The following NCKAP5 variants were observed in gnomAD, a reference collection of about 807,000 sequenced individuals.
The protein encoded by NCKAP5 is NCK associated protein 5.
NCKAP5 carries 92 observed loss-of-function variants against 167.0 expected under a neutral mutation model. That is an observed-to-expected ratio of 0.55 (90% confidence interval 0.47 to 0.66). The LOEUF is 0.66. Ranked by LOEUF, NCKAP5 falls within the 30% of genes least tolerant of loss-of-function variation. NCKAP5 has a pLI of 0.00. For synonymous variants in NCKAP5, 891 were observed against 877.4 expected, an observed-to-expected ratio of 1.02 and a Z score of -0.27; for missense variants, 2,378 against 2,315.0, an observed-to-expected ratio of 1.03 and a Z score of -0.56.
At chr2:133,522,311 A>C (rs1684543408) in intron 2 of NCKAP5, among the ~76,000 whole-genome samples, 1 of 152,106 alleles carries the variant, frequency 6.6e-6, no homozygotes, top group African/African-American at 2.4e-5. Flanking sequence ...TTTCAACACC[A>C]TCATAAAAAT....
intron 4 of NCKAP5, among the ~76,000 whole-genome samples, chr2:133,260,272 T>G (rs1249608724): frequency 6.6e-6 from 1 of 152,176 alleles, no homozygotes; most frequent in East Asian, 1.9e-4. Context: ...AATAACCATC[T>G]GTTGAGTAAA....
chr2:133,545,731 G>A (rs552027291), intron 2 of NCKAP5, among the ~76,000 whole-genome samples: 3 of 152,114 alleles, frequency 2.0e-5, no homozygotes, highest in Admixed American at 2.0e-4. Context: ...TGAGAATTTC[G>A]TACCTTACAA....
intron 6 of NCKAP5, among the ~76,000 whole-genome samples, chr2:133,051,680 T>C (rs550072284): frequency 1.3e-5 from 2 of 152,216 alleles, no homozygotes; most frequent in South Asian, 4.1e-4. Context: ...TATTTTCCAA[T>C]GCACTGTGAA....
In NCKAP5 at chr2:132,858,883, A is replaced by C. The variant is rs192029606; in HGVS notation, c.807+1609T>G. On this transcript the variant is annotated intron_variant, in intron 11 of 19. Coordinates refer to ENST00000409261, the MANE Select transcript of NCKAP5 (RefSeq NM_207363.3). ...GTTTACCATGCAAATAAATGATCAC[A>C]ATTCATAAACAGGGACTGTAGAGTC... 3.0e-3 allele frequency among the ~76,000 whole-genome samples: 462 copies of C among 152,334 alleles called. 3 individuals are homozygous for C. Among genetic ancestry groups the C allele is most frequent in the Middle Eastern group, 0.01 (3 of 294 alleles).
At chr2:132,884,332 G>A (rs1692041482) in intron 8 of NCKAP5, among the ~76,000 whole-genome samples, 1 of 152,130 alleles carries the variant, frequency 6.6e-6, no homozygotes, top group Non-Finnish European at 1.5e-5. Context: ...AACTGACTTT[G>A]CTGTTCCCTT....
At chr2:133,204,923 CTT>C (rs2085876820) in intron 5 of NCKAP5, among the ~76,000 whole-genome samples, 1 of 152,222 alleles carries the variant, frequency 6.6e-6, no homozygotes, top group East Asian at 1.9e-4. Context: ...TTTTACAAGT[CTT>C]TTATTTATCC....
chr2:133,545,502 C>A (rs1686581172), intron 2 of NCKAP5, among the ~76,000 whole-genome samples: 1 of 152,078 alleles, frequency 6.6e-6, no homozygotes, highest in Non-Finnish European at 1.5e-5. Context: ...TTCCATTGAT[C>A]AGCATCATGA....
intron 6 of NCKAP5, among the ~76,000 whole-genome samples, chr2:133,003,560 A>C (rs564741210): frequency 1.3e-5 from 2 of 152,322 alleles, no homozygotes; most frequent in South Asian, 4.1e-4. Flanking sequence ...CTCTTAACCC[A>C]ATCTCTGCTT....
intron 10 of NCKAP5, among the ~76,000 whole-genome samples, chr2:132,866,180 A>T (rs191047337): frequency 6.6e-6 from 1 of 152,350 alleles, no homozygotes; most frequent in East Asian, 1.9e-4. Flanking sequence ...CATATGAACG[A>T]AAATAACTGC....
At chr2:133,123,599 G>A in intron 6 of NCKAP5, 1 of 286,082 alleles carries the variant, frequency 3.5e-6, no homozygotes, top group Non-Finnish European at 7.3e-6. Flanking sequence ...TGTGGAAATA[G>A]CAATTCCAAA....
chr2:133,323,454 A>C (rs924402492), intron 3 of NCKAP5, among the ~76,000 whole-genome samples: 1 of 152,200 alleles, frequency 6.6e-6, no homozygotes, highest in African/African-American at 2.4e-5. Context: ...GAAGCTGATG[A>C]AGTTAGCAAG....
At chr2:132,795,622 C>G (rs1684515953) in intron 12 of NCKAP5, among the ~76,000 whole-genome samples, 1 of 151,910 alleles carries the variant, frequency 6.6e-6, no homozygotes, top group Non-Finnish European at 1.5e-5. Context: ...AGTTCGAGAC[C>G]AGCCTGACTA....
intron 11 of NCKAP5, among the ~76,000 whole-genome samples, chr2:132,801,691 C>T (rs910073189): frequency 3.9e-5 from 6 of 152,202 alleles, no homozygotes; most frequent in African/African-American, 1.4e-4. Flanking sequence ...TAGTCAGTGC[C>T]TGGACTATAC....
chr2:132,936,809 A>G (rs368944292), intron 8 of NCKAP5, among the ~76,000 whole-genome samples: 3 of 152,154 alleles, frequency 2.0e-5, no homozygotes, highest in African/African-American at 4.8e-5. Context: ...TCTAAAATGC[A>G]TATGTATCAA....
At chr2:133,346,260 T>C (rs952842940) in intron 3 of NCKAP5, among the ~76,000 whole-genome samples, 1 of 152,110 alleles carries the variant, frequency 6.6e-6, no homozygotes, top group African/African-American at 2.4e-5. Context: ...ACACATCTAT[T>C]TGAAAGGGCT....
intron 8 of NCKAP5, among the ~76,000 whole-genome samples, chr2:132,942,287 T>A (rs940187086): frequency 2.2e-4 from 34 of 152,156 alleles, no homozygotes; most frequent in Non-Finnish European, 4.7e-4. Context: ...TTAGTATGCA[T>A]CAGAATCACC....
intron 3 of NCKAP5, among the ~76,000 whole-genome samples, chr2:133,321,139 G>C (rs1332184385): frequency 6.6e-6 from 1 of 152,158 alleles, no homozygotes; most frequent in Non-Finnish European, 1.5e-5. Context: ...CAGGAATAAA[G>C]GGGTTTCCAG....
chr2:133,132,059 A>G (rs12996075), intron 5 of NCKAP5, among the ~76,000 whole-genome samples: 54,865 of 151,756 alleles, frequency 0.36, 9,909 homozygotes, highest in African/African-American at 0.4. Flanking sequence ...GGAGGCTGAC[A>G]CGGGTGGATC....
intron 2 of NCKAP5, among the ~76,000 whole-genome samples, chr2:133,534,871 A>G (rs959270169): frequency 3.3e-5 from 5 of 152,182 alleles, no homozygotes; most frequent in Non-Finnish European, 7.3e-5. Flanking sequence ...GATCAAATGG[A>G]AACTCTGTTT....
Sources: allele counts gnomAD v4.1 joint callset (sites outside exome capture counted in the v4.1 genomes callset), GRCh38; gene constraint gnomAD v4.1.1; transcripts MANE v1.5; gene names NCBI Gene and HGNC (gene_info 2026-07-23, HGNC 2026-07-21).